COL4A5: variants seen among roughly 807,000 people sequenced by gnomAD.
The protein encoded by COL4A5 is collagen type IV alpha 5 chain.
A neutral mutation model predicts 130.2 loss-of-function variants in COL4A5; 26 were observed. The observed-to-expected ratio is 0.20, with a 90% CI of 0.15 to 0.28. The LOEUF (loss-of-function observed/expected upper bound fraction) is 0.28, where lower values mean the gene tolerates loss of function less well. COL4A5 is among the 10% of genes least tolerant of loss of function. The pLI is 1.00. For missense variants in COL4A5, 1,131 were observed against 1,344.3 expected (o/e 0.84, Z 2.48); for synonymous variants, 496 against 439.6 (o/e 1.13, Z -1.60).
chrX:108,682,847 C>G (rs779857802), intron 47 of COL4A5, among the ~76,000 whole-genome samples: 1 of 111,730 alleles, frequency 9.0e-6, no homozygotes, highest in East Asian at 2.8e-4. Context: ...TGTAGGTTGC[C>G]TGTTCAAACT....
chrX:108,524,714 A>G (rs1021019172), intron 1 of COL4A5, among the ~76,000 whole-genome samples: 2 of 111,373 alleles, frequency 1.8e-5, no homozygotes, highest in Non-Finnish European at 3.8e-5. Flanking sequence ...TCACCTCAAA[A>G]TATTTCTAAT....
intron 2 of COL4A5, among the ~76,000 whole-genome samples, chrX:108,549,573 A>G (rs2065718491): frequency 9.0e-6 from 1 of 111,550 alleles, no homozygotes; most frequent in Non-Finnish European, 1.9e-5. Flanking sequence ...AAAATTTTGG[A>G]ATGGGGTTAA....
chrX:108,682,569 T>A (rs773727813), intron 47 of COL4A5, among the ~76,000 whole-genome samples: 2 of 112,256 alleles, frequency 1.8e-5, no homozygotes, highest in Non-Finnish European at 3.8e-5. Context: ...TTCCTGACTT[T>A]TTAATGATCA....
intron 4 of COL4A5, among the ~76,000 whole-genome samples, chrX:108,568,107 A>AT (rs780317188): frequency 3.6e-5 from 4 of 111,910 alleles, no homozygotes; most frequent in Non-Finnish European, 5.6e-5. Context: ...TTTGCTAGAT[A>AT]TTTTCAAATT....
chrX:108,645,580 T>C (rs76339069), intron 36 of COL4A5, among the ~76,000 whole-genome samples: 1 of 109,051 alleles, frequency 9.2e-6, no homozygotes, highest in Non-Finnish European at 1.9e-5. Flanking sequence ...TACTTTTTTT[T>C]AAAATTATTA....
chrX:108,666,593 A>G lies in COL4A5; in HGVS notation c.3552A>G (p.Pro1184=). 1 of 1,191,833 alleles carries G rather than the reference A, an allele frequency of 8.4e-7. No homozygotes were observed. The highest frequency in any genetic ancestry group is 1.1e-6 in the Non-Finnish European group (1 of 881,936). The change falls in exon 39 of 53, where the codon CCA becomes CCG. Residue 1184 remains proline, a splice_region_variant and synonymous_variant. Coordinates refer to ENST00000328300, the MANE Select transcript of COL4A5 (RefSeq NM_033380.3). The part of the protein sequence containing the change: ...IPGPAGQKGE[P]GQPGFGNPGP... ...GACCAGCTGGACAGAAGGGTGAACC[A>G]GGTGCTGTAGTTTTTCATTTTTCCT... is the stretch of plus-strand genomic sequence containing the variant.
intron 1 of COL4A5, among the ~76,000 whole-genome samples, chrX:108,457,744 C>G (rs369850721): frequency 2.7e-5 from 3 of 111,722 alleles, no homozygotes; most frequent in Non-Finnish European, 5.6e-5. Flanking sequence ...TCTCTACTTA[C>G]CCACAGTTTC....
chrX:108,692,745 T>C lies in COL4A5; in HGVS notation c.4529-3T>C, dbSNP rs762837161. ...TTACTGTTTTCTCTCCAAATCTTTCTAGGGACGGCTGGCAGCTGCCTTCGT... is the reference window on the plus strand; with the variant it reads ...TTACTGTTTTCTCTCCAAATCTTTCCAGGGACGGCTGGCAGCTGCCTTCGT... On this transcript the variant is annotated splice_polypyrimidine_tract_variant and splice_region_variant and intron_variant, in intron 49 of 52. Transcript: ENST00000328300. 2.5e-6 allele frequency: 3 copies of C among 1,210,692 alleles called. No individual in the cohort carries two copies. Among genetic ancestry groups the C allele is most frequent in the Non-Finnish European group, 3.4e-6 (3 of 894,501 alleles).
chrX:108,693,771 A>AT (rs768611135), intron 50 of COL4A5: 1 of 111,189 alleles, frequency 9.0e-6, no homozygotes, highest in African/African-American at 3.3e-5. Context: ...GATTTGGAGC[A>AT]TGAGTAACTA....
At chrX:108,543,202 T>G (rs2065578403) in intron 2 of COL4A5, among the ~76,000 whole-genome samples, 1 of 110,833 alleles carries the variant, frequency 9.0e-6, no homozygotes, top group Non-Finnish European at 1.9e-5. Context: ...TCCTGAATGG[T>G]ATTGCCTAGG....
At position 108,597,705 on chromosome X, in the gene COL4A5, T is replaced by G. The variant is rs1237113474; in HGVS notation, c.1779+137T>G. 8 of 563,710 alleles carry G rather than the reference T, an allele frequency of 1.4e-5. No individual in the cohort carries two copies. In the African/African-American group the frequency reaches 1.8e-4, roughly 13 times the overall value. The allele number at this position is 563,710 out of a possible 1,213,427, so 46.5% of individuals were successfully genotyped here. On this transcript the variant is annotated intron_variant, in intron 24 of 52. Coordinates refer to ENST00000328300, the MANE Select transcript of COL4A5 (RefSeq NM_033380.3). ...TTAAAACAATGTGACCATACAGTAA[T>G]GGCACATTGTTACTGACTACGTAGG...
At chrX:108,661,924 A>C (rs1005266065) in intron 37 of COL4A5, among the ~76,000 whole-genome samples, 19 of 109,637 alleles carry the variant, frequency 1.7e-4, no homozygotes, top group African/African-American at 5.3e-4. Context: ...TCTTTTTTTT[A>C]AGTTTATTAT....
At chrX:108,681,541 TG>T (rs770358479) in intron 46 of COL4A5, among the ~76,000 whole-genome samples, 2 of 111,666 alleles carry the variant, frequency 1.8e-5, no homozygotes, top group African/African-American at 6.5e-5. Flanking sequence ...AAAATAGAGA[TG>T]ATATGCTTAA....
In COL4A5 at chrX:108,590,218, A is replaced by T. The variant is rs1468798546; in HGVS notation, c.1166-840A>T. Among the ~76,000 whole-genome samples, 10 of 111,281 alleles carry T rather than the reference A, an allele frequency of 9.0e-5. No individual in the cohort carries two copies. The Admixed American group carries it at 9.6e-4, about 11-fold the overall frequency. On this transcript the variant is annotated intron_variant, in intron 19 of 52. Transcript: ENST00000328300. ...AAAAATCCATTGACAAATTCCCAGA[A>T]CTTAAAGAGAATATGTGTGCAAGAT...
intron 36 of COL4A5, among the ~76,000 whole-genome samples, chrX:108,631,918 C>A (rs1332943377): frequency 9.0e-6 from 1 of 110,793 alleles, no homozygotes; most frequent in Non-Finnish European, 1.9e-5. Flanking sequence ...ATTAAAAGAA[C>A]CAGAGAAGCA....
At chrX:108,576,038 AT>A (rs2066144364) in intron 10 of COL4A5, 66 bp downstream of exon 10, 2 of 646,546 alleles carry the variant, frequency 3.1e-6, no homozygotes, top group Admixed American at 5.6e-5. Context: ...GAATATTAAT[AT>A]TATTTATAAT....
intron 1 of COL4A5, among the ~76,000 whole-genome samples, chrX:108,490,129 T>A (rs945791969): frequency 1.8e-5 from 2 of 111,669 alleles, no homozygotes; most frequent in African/African-American, 6.5e-5. Flanking sequence ...TTTCACCAGT[T>A]TTACTTGTGT....
intron 2 of COL4A5, among the ~76,000 whole-genome samples, chrX:108,552,479 T>C (rs1256084466): frequency 1.8e-5 from 2 of 111,941 alleles, no homozygotes; most frequent in Non-Finnish European, 3.8e-5. Context: ...AAATCAGTCA[T>C]ATGTCCATAA....
At chrX:108,513,794 T>C (rs2065199588) in intron 1 of COL4A5, among the ~76,000 whole-genome samples, 1 of 111,904 alleles carries the variant, frequency 8.9e-6, no homozygotes. Flanking sequence ...TCAAGTCATG[T>C]TTTGTTTTTT....
Sources: gnomAD v4.1 joint callset for allele counts (sites outside exome capture counted in the v4.1 genomes callset) on GRCh38, gnomAD v4.1.1 for gene constraint, MANE v1.5 for transcripts, NCBI Gene and HGNC (gene_info 2026-07-23, HGNC 2026-07-21) for gene names.